Variants in CCDC7 observed in about 807,000 individuals in gnomAD.
CCDC7 encodes coiled-coil domain-containing protein 7.
A neutral mutation model predicts 196.9 loss-of-function variants in CCDC7; 183 were observed. That is an observed-to-expected ratio of 0.93 (90% CI 0.82 to 1.05). The LOEUF (loss-of-function observed/expected upper bound fraction) is 1.05, where lower values mean the gene tolerates loss of function less well. Ranked by LOEUF, CCDC7 falls within the 50% of genes least tolerant of loss-of-function variation. The probability of loss-of-function intolerance (pLI) is 0.00; values close to 1 mark genes in which losing one functional copy is unlikely to be tolerated. For missense variants in CCDC7, 1,540 were observed against 1,482.2 expected, an observed-to-expected ratio of 1.04 and a Z score of -0.64; for synonymous variants, 525 against 484.6, an observed-to-expected ratio of 1.08 and a Z score of -1.10.
At chr10:32,595,091 T>C (rs956387610) in intron 18 of CCDC7, among the ~76,000 whole-genome samples, 2 of 152,220 alleles carry the variant, frequency 1.3e-5, no homozygotes, top group African/African-American at 4.8e-5. Flanking sequence ...ATTCCCTCTT[T>C]TTCTATTGAT....
chr10:32,709,238 A>C (rs1359424382), intron 24 of CCDC7, among the ~76,000 whole-genome samples: 1 of 148,096 alleles, frequency 6.8e-6, no homozygotes, highest in Non-Finnish European at 1.5e-5. Context: ...ACCAAACACC[A>C]CATGTTCTCA....
intron 22 of CCDC7, among the ~76,000 whole-genome samples, 169 bp from the exon 24 acceptor site, chr10:32,688,884 C>T (rs1407185648): frequency 2.6e-5 from 4 of 152,112 alleles, no homozygotes; most frequent in African/African-American, 7.2e-5. Flanking sequence ...AACACACACC[C>T]ATTGAAACTC....
At position 32,689,216 on chromosome 10, in the gene CCDC7, G is replaced by A. The variant is rs143558991; in HGVS notation, c.2344+53G>A. 5.2e-4 allele frequency: 616 copies of A among 1,184,690 alleles called. 4 individuals carry two copies. In the African/African-American group the frequency reaches 8.3e-3, roughly 16 times the overall value. 73.4% of individuals were successfully genotyped at this position (1,184,690 alleles called of 1,614,324 possible). A position where few individuals can be genotyped will look rare whatever the true frequency, so the allele number is the denominator to read the frequency against. ...AAATTATTTAAAAGTAAGTTCATCC[G>A]AAGGTATTTTTGCTTTGATTCACAA... is the stretch of plus-strand genomic sequence containing the variant. On this transcript the variant is annotated intron_variant, in intron 23 of 41. Coordinates refer to ENST00000639629, the Ensembl canonical transcript of CCDC7.
chr10:32,452,033 T>C (rs1232913903), intron 1 of CCDC7, 112 bp downstream of exon 2: 12 of 1,374,396 alleles, frequency 8.7e-6, no homozygotes, highest in East Asian at 2.6e-5. Context: ...ATGGCTAAGA[T>C]TTATTACAGT....
chr10:32,770,932 G>T (rs767964546), intron 28 of CCDC7, among the ~76,000 whole-genome samples: 3 of 151,938 alleles, frequency 2.0e-5, no homozygotes, highest in Non-Finnish European at 4.4e-5. Context: ...TTCCATTTGT[G>T]TACAATACCT....
At chr10:32,863,568 G>T (rs1040988748) in intron 41 of CCDC7, among the ~76,000 whole-genome samples, 1 of 151,826 alleles carries the variant, frequency 6.6e-6, no homozygotes, top group Non-Finnish European at 1.5e-5. Flanking sequence ...GCCAAGGCTG[G>T]TCTTGAACTC....
chr10:32,638,338 G>A (rs1204285906), intron 20 of CCDC7, among the ~76,000 whole-genome samples: 1 of 152,148 alleles, frequency 6.6e-6, no homozygotes, highest in African/African-American at 2.4e-5. Flanking sequence ...TCCAGTTTTT[G>A]CCCATTCAGT....
chr10:32,753,054 A>G (rs1461129758), intron 28 of CCDC7, among the ~76,000 whole-genome samples: 1 of 152,140 alleles, frequency 6.6e-6, no homozygotes, highest in Non-Finnish European at 1.5e-5. Context: ...GGAATATGTC[A>G]TTTCTCAATA....
intron 5 of CCDC7, among the ~76,000 whole-genome samples, chr10:32,464,316 A>G (rs769333164): frequency 6.6e-6 from 1 of 152,222 alleles, no homozygotes; most frequent in South Asian, 2.1e-4. Flanking sequence ...GGAATGCTCT[A>G]AATACAAGCT....
At chr10:32,502,558 C>G (rs1340080876) in intron 9 of CCDC7, among the ~76,000 whole-genome samples, 2 of 152,140 alleles carry the variant, frequency 1.3e-5, no homozygotes, top group African/African-American at 4.8e-5. Context: ...GTTTTGATTA[C>G]TACAGCTTTG....
At chr10:32,778,893 C>T in intron 28 of CCDC7, 84 bp from the exon 30 acceptor site, 1 of 937,482 alleles carries the variant, frequency 1.1e-6, no homozygotes, top group South Asian at 1.5e-5. Context: ...GATCTTTCAC[C>T]TTCTTGGTTA....
intron 9 of CCDC7, among the ~76,000 whole-genome samples, chr10:32,515,142 A>C (rs2046826917): frequency 1.3e-5 from 2 of 152,194 alleles, no homozygotes; most frequent in African/African-American, 2.4e-5. Flanking sequence ...ATCTTAAGAT[A>C]GCAATACTTC....
At chr10:32,559,184 C>G (rs2054918397) in intron 13 of CCDC7, among the ~76,000 whole-genome samples, 1 of 152,250 alleles carries the variant, frequency 6.6e-6, no homozygotes, top group South Asian at 2.1e-4. Flanking sequence ...CTGGGTGGAG[C>G]CCACCACAGC....
chr10:32,653,585 TC>T (rs1324204897), intron 20 of CCDC7, among the ~76,000 whole-genome samples: 1 of 152,200 alleles, frequency 6.6e-6, no homozygotes, highest in African/African-American at 2.4e-5. Flanking sequence ...AATTTGATGT[TC>T]CTGTGGATGG....
chr10:32,539,502 T>G (rs776279433), intron 11 of CCDC7, among the ~76,000 whole-genome samples: 1 of 152,146 alleles, frequency 6.6e-6, no homozygotes, highest in Non-Finnish European at 1.5e-5. Flanking sequence ...TTTTGTATTT[T>G]TTTTGTATCT....
At chr10:32,573,187 A>T (rs1030689800) in intron 16 of CCDC7, among the ~76,000 whole-genome samples, 24 of 152,146 alleles carry the variant, frequency 1.6e-4, no homozygotes, top group African/African-American at 5.8e-4. Flanking sequence ...TGGTGCTCTT[A>T]TATTCATACT....
intron 25 of CCDC7, chr10:32,725,504 ATTTTT>A (rs2082992104): frequency 2.4e-6 from 1 of 421,034 alleles, no homozygotes; most frequent in Non-Finnish European, 4.8e-6. Flanking sequence ...AATTAATTTT[ATTTTT>A]AGAATATTGT....
At chr10:32,688,188 G>A (rs778671614) in intron 22 of CCDC7, among the ~76,000 whole-genome samples, 8 of 152,000 alleles carry the variant, frequency 5.3e-5, no homozygotes, top group Non-Finnish European at 1.2e-4. Context: ...ATCTTAACAC[G>A]CTTACCTCCT....
chr10:32,809,076 A>T (rs1037976160), intron 30 of CCDC7, among the ~76,000 whole-genome samples: 1 of 152,214 alleles, frequency 6.6e-6, no homozygotes, highest in African/African-American at 2.4e-5. Flanking sequence ...TAGCATCTTC[A>T]GGAAAAAGTT....
Sources: allele counts gnomAD v4.1 joint callset (sites outside exome capture counted in the v4.1 genomes callset), GRCh38; gene constraint gnomAD v4.1.1; transcripts MANE v1.5; gene names NCBI Gene and HGNC (gene_info 2026-07-23, HGNC 2026-07-21).